The following N4BP2 variants were observed in gnomAD, a reference collection of about 807,000 sequenced individuals.
N4BP2 encodes NEDD4-binding protein 2.
A neutral mutation model predicts 152.8 loss-of-function variants in N4BP2; 91 were observed. That is an observed-to-expected ratio of 0.60 (90% CI 0.50 to 0.71). The LOEUF is 0.71. N4BP2 is among the 30% of genes least tolerant of loss of function. The pLI is 0.00. For missense variants in N4BP2, 1,923 were observed against 2,059.1 expected (o/e 0.93, Z 1.28); for synonymous variants, 646 against 705.3 (o/e 0.92, Z 1.33).
At chr4:40,066,771 A>G (rs186717817) in intron 1 of N4BP2, among the ~76,000 whole-genome samples, 67 of 152,282 alleles carry the variant, frequency 4.4e-4, no homozygotes, top group Non-Finnish European at 7.8e-4. Flanking sequence ...AACCACTTTT[A>G]AGAGTACAGA....
chr4:40,071,396 C>T (rs1712168365), intron 1 of N4BP2, among the ~76,000 whole-genome samples: 1 of 152,104 alleles, frequency 6.6e-6, no homozygotes, highest in Admixed American at 6.6e-5. Context: ...GTACTTCCTA[C>T]TGTTTCTAGT....
intron 4 of N4BP2, among the ~76,000 whole-genome samples, chr4:40,104,922 G>A (rs1333896408): frequency 2.0e-5 from 3 of 151,264 alleles, no homozygotes; most frequent in Non-Finnish European, 2.9e-5. Context: ...CTCCTGCCTC[G>A]GCCTCCGGAG....
chr4:40,182,231 G>T, the N4BP2 span, among the ~76,000 whole-genome samples: 1 of 152,190 alleles, frequency 6.6e-6, no homozygotes, highest in Non-Finnish European at 1.5e-5. Context: ...GCTGATACAA[G>T]AACATGCGCA....
At chr4:40,090,731 G>T (rs75365336) in intron 2 of N4BP2, among the ~76,000 whole-genome samples, 15,001 of 151,856 alleles carry the variant, frequency 0.099, 1,348 homozygotes, top group East Asian at 0.42. Flanking sequence ...TCAGGAGTTC[G>T]AGACCAGCCT....
At chr4:40,065,970 C>T (rs555530971) in intron 1 of N4BP2, among the ~76,000 whole-genome samples, 3 of 151,584 alleles carry the variant, frequency 2.0e-5, no homozygotes, top group Non-Finnish European at 2.9e-5. Context: ...CTAGATCTGT[C>T]GACAGGCTGG....
chr4:40,062,178 A>C (rs1223248409), intron 1 of N4BP2, among the ~76,000 whole-genome samples: 1 of 150,308 alleles, frequency 6.7e-6, no homozygotes, highest in Non-Finnish European at 1.5e-5. Flanking sequence ...TCCTGGGTTC[A>C]AGCGATTCTC....
chr4:40,183,488 A>G, the N4BP2 span, among the ~76,000 whole-genome samples: 1 of 152,004 alleles, frequency 6.6e-6, no homozygotes, highest in Non-Finnish European at 1.5e-5. Flanking sequence ...GGAGCCCGCT[A>G]CCGTGCCCAG....
chr4:40,170,485 G>A, the N4BP2 span, among the ~76,000 whole-genome samples: 2 of 152,146 alleles, frequency 1.3e-5, no homozygotes, highest in Non-Finnish European at 2.9e-5. Context: ...CGGGTGTGGT[G>A]GTGCGTGCCT....
At chr4:40,096,498 T>G (rs1715117180) in intron 2 of N4BP2, among the ~76,000 whole-genome samples, 2 of 152,120 alleles carry the variant, frequency 1.3e-5, no homozygotes, top group Admixed American at 6.6e-5. Flanking sequence ...ATGGGCCATT[T>G]TAAGGGCTCT....
intron 14 of N4BP2, among the ~76,000 whole-genome samples, chr4:40,139,444 T>C (rs926203897): frequency 4.6e-5 from 7 of 151,788 alleles, no homozygotes; most frequent in Non-Finnish European, 1.0e-4. Context: ...TACAAATACA[T>C]AGACATGCAG....
the N4BP2 span, among the ~76,000 whole-genome samples, chr4:40,184,119 G>A: frequency 6.6e-6 from 1 of 152,168 alleles, no homozygotes; most frequent in Non-Finnish European, 1.5e-5. Flanking sequence ...AGAACATTTT[G>A]TCCATCTCAA....
In N4BP2 at chr4:40,141,915, G is replaced by A. The variant is rs963252749; in HGVS notation, c.4786-758G>A. On this transcript the variant is annotated intron_variant, in intron 14 of 17. Coordinates refer to ENST00000261435, the MANE Select transcript of N4BP2 (RefSeq NM_018177.6). ...AGCCCGGCCAACACAGCGAAACCCC[G>A]TCTCCACCAAAAAAATAGGAAAACC... 5.3e-5 allele frequency among the ~76,000 whole-genome samples: 8 copies of A among 152,278 alleles called. No individual in the cohort carries two copies. In the East Asian group the frequency reaches 7.7e-4, roughly 15 times the overall value.
chr4:40,132,414 A>G (rs1718983726), intron 13 of N4BP2, among the ~76,000 whole-genome samples: 1 of 152,104 alleles, frequency 6.6e-6, no homozygotes, highest in Admixed American at 6.5e-5. Flanking sequence ...CTTTTTATGT[A>G]TGTGGTATGA....
the N4BP2 span, among the ~76,000 whole-genome samples, chr4:40,180,173 T>C: frequency 2.6e-5 from 4 of 152,172 alleles, no homozygotes; most frequent in Non-Finnish European, 4.4e-5. Flanking sequence ...GTCTGTAACA[T>C]ATAAACAGAT....
intron 1 of N4BP2, among the ~76,000 whole-genome samples, chr4:40,059,223 T>C (rs1414050360): frequency 6.6e-6 from 1 of 152,180 alleles, no homozygotes; most frequent in East Asian, 1.9e-4. Flanking sequence ...CAACCATTTA[T>C]TAGTTAATGA....
At chr4:40,074,153 C>G (rs148987998) in intron 2 of N4BP2, among the ~76,000 whole-genome samples, 1 of 139,770 alleles carries the variant, frequency 7.2e-6, no homozygotes, top group Non-Finnish European at 1.6e-5. Context: ...TGCAGTGGCA[C>G]GATCTTGGCT....
chr4:40,183,460 C>G, the N4BP2 span, among the ~76,000 whole-genome samples: 1 of 151,936 alleles, frequency 6.6e-6, no homozygotes, highest in Non-Finnish European at 1.5e-5. Flanking sequence ...CTCAGCCTCC[C>G]GAGTAGCTGG....
chr4:40,081,697 TGGGC>T (rs1465188575), intron 2 of N4BP2, among the ~76,000 whole-genome samples: 7 of 151,904 alleles, frequency 4.6e-5, no homozygotes, highest in Non-Finnish European at 1.0e-4. Context: ...CAAATCAGGC[TGGGC>T]ACAGTGGCTC....
At chr4:40,136,379 T>TATCTATC (rs10646836) in intron 13 of N4BP2, among the ~76,000 whole-genome samples, 9,660 of 150,338 alleles carry the variant, frequency 0.064, 517 homozygotes, top group South Asian at 0.21. Flanking sequence ...TCTATCTATC[T>TATCTATC]ATCTATCTAT....
Sources: gnomAD v4.1 joint callset for allele counts (sites outside exome capture counted in the v4.1 genomes callset) on GRCh38, gnomAD v4.1.1 for gene constraint, MANE v1.5 for transcripts, NCBI Gene and HGNC (gene_info 2026-07-23, HGNC 2026-07-21) for gene names.